Variants in ZNF132 observed in about 807,000 individuals in gnomAD.
ZNF132 encodes zinc finger protein 132.
ZNF132 carries 6 observed loss-of-function variants against 9.3 expected under a neutral mutation model. The ratio of observed to expected loss-of-function variants is 0.65; its 90% CI spans 0.35 to 1.28. The LOEUF (loss-of-function observed/expected upper bound fraction) is 1.28, where lower values mean the gene tolerates loss of function less well. Ranked by LOEUF, ZNF132 falls within the 50% of genes most tolerant of loss-of-function variation. ZNF132 has a pLI of 0.03. For synonymous variants in ZNF132, 296 were observed against 292.0 expected, an observed-to-expected ratio of 1.01 and a Z score of -0.14; for missense variants, 877 against 843.2, an observed-to-expected ratio of 1.04 and a Z score of -0.50.
Position 58,435,023 on chromosome 19 carries a change from G to T in ZNF132, c.421C>A (p.Pro141Thr). Residue 141 changes from proline (P) to threonine (T), a missense_variant, in exon 3 of 3, where the codon CCC becomes ACC. Coordinates refer to ENST00000254166, the MANE Select transcript of ZNF132 (RefSeq NM_003433.4). ...EHQGTQSEEK[P>T]YTCGACGRDF... ...CTCCCACATGCTCCACATGTGTAGG[G>T]TTTCTCCTCAGACTGTGTTCCCTGA... 1 of 1,614,110 alleles carries T rather than the reference G, an allele frequency of 6.2e-7. No individual in the cohort carries two copies. The highest frequency in any genetic ancestry group is 1.3e-5 in the African/African-American group (1 of 75,018).
At position 58,434,389 on chromosome 19, in the gene ZNF132, C is replaced by A; in HGVS notation, c.1055G>T (p.Cys352Phe). ...TGATCTGTTACTGAAGGCTTTCCCA[C>A]ATTCATCACACTCATAAGGTCTTTC... ...SGERPYECDE[C>F]GKAFSNRSHL... is the part of the protein sequence containing the mutation. Residue 352 changes from cysteine to phenylalanine, a missense_variant, in exon 3 of 3, where the codon TGT becomes TTT. Coordinates refer to ENST00000254166, the MANE Select transcript of ZNF132 (RefSeq NM_003433.4). 1 of 1,614,266 alleles carries A rather than the reference C, an allele frequency of 6.2e-7. No homozygotes were observed. Among genetic ancestry groups the A allele is most frequent in the Non-Finnish European group, 8.5e-7 (1 of 1,180,050 alleles).
At chr19:58,435,261 G>T (rs140091646) in intron 2 of ZNF132, 50 bp from the exon 3 acceptor site, 2 of 1,560,682 alleles carry the variant, frequency 1.3e-6, no homozygotes, top group African/African-American at 1.4e-5. Flanking sequence ...TGGTGGGAAT[G>T]GTTGACTTCA....
Position 58,433,498 on chromosome 19 carries a change from T to C in ZNF132, c.1946A>G (p.His649Arg). ...NSHLVRHQRVHTQERPYECIQ... is the reference protein window; with the variant it reads ...NSHLVRHQRVRTQERPYECIQ... ...GCACTCATAGGGCCTTTCTTGTGTG[T>C]GAACTCTCTGATGACGAACCAGGTG... Residue 649 changes from histidine (H) to arginine (R), a missense_variant, in exon 3 of 3, where the codon CAC becomes CGC. His to Arg is a conservative substitution (Grantham distance 29, BLOSUM62 0). Coordinates refer to ENST00000254166, the MANE Select transcript of ZNF132 (RefSeq NM_003433.4). The C allele has an allele frequency of 6.2e-7, 1 of 1,614,196 alleles. No individual in the cohort carries two copies. Among genetic ancestry groups the C allele is most frequent in the Non-Finnish European group, 8.5e-7 (1 of 1,180,016 alleles).
intron 1 of ZNF132, among the ~76,000 whole-genome samples, chr19:58,439,358 C>T (rs1308612328): frequency 6.6e-6 from 1 of 152,190 alleles, no homozygotes; most frequent in Non-Finnish European, 1.5e-5. Context: ...TCCATGGCTC[C>T]CACCACCATC....
At position 58,435,064 on chromosome 19, in the gene ZNF132, A is replaced by G. The variant is rs2052765677; in HGVS notation, c.380T>C (p.Leu127Ser). Residue 127 changes from leucine (L) to serine (S), a missense_variant, in exon 3 of 3, where the codon TTG (leucine) becomes TCG (serine). Leu to Ser is a moderately radical substitution (Grantham distance 145, BLOSUM62 -2). Coordinates refer to ENST00000254166, the MANE Select transcript of ZNF132 (RefSeq NM_003433.4). ...DMCGPFLKDI[L>S]HLAEHQGTQS... Reference sequence around the variant, plus strand: ...TGTTCCCTGATGCTCAGCCAGGTGCAAAATGTCTTTCAAGAATGGCCCACA... The same window carrying G: ...TGTTCCCTGATGCTCAGCCAGGTGCGAAATGTCTTTCAAGAATGGCCCACA... The G allele has an allele frequency of 2.5e-6, 4 of 1,614,058 alleles. No individual in the cohort carries two copies. The highest frequency in any genetic ancestry group is 3.4e-6 in the Non-Finnish European group (4 of 1,180,044).
chr19:58,434,115 G>T lies in ZNF132; in HGVS notation c.1329C>A (p.Asn443Lys). The change falls in exon 3 of 3, where the codon AAC becomes AAA. Residue 443 changes from asparagine (N) to lysine (K), a missense_variant. Coordinates refer to ENST00000254166, the MANE Select transcript of ZNF132 (RefSeq NM_003433.4). ...CTTTCTGGTGCTGAGCAAGGTTGGA[G>T]TTATTGTTAAAAGCTCTTCCACATT... ...CSECGRAFNN[N>K]SNLAQHQKVH... The T allele has an allele frequency of 6.2e-7, 1 of 1,613,764 alleles. No homozygotes were observed. The highest frequency in any genetic ancestry group is 8.5e-7 in the Non-Finnish European group (1 of 1,179,954).
chr19:58,434,039 T>C lies in ZNF132; in HGVS notation c.1405A>G (p.Ser469Gly), dbSNP rs748302718. ...FECSECGRDF[S>G]QSSHLLRHQK... ...TGTCGAAGGAGATGGGAGCTTTGGC[T>C]GAAGTCTCTTCCACATTCACTGCAC... The change falls in exon 3 of 3, where the codon AGC becomes GGC. Residue 469 changes from serine (S) to glycine (G), a missense_variant. Physicochemically the swap from Ser to Gly is moderately conservative, Grantham distance 56. Transcript: ENST00000254166. 2.5e-6 allele frequency: 4 copies of C among 1,614,204 alleles called. No individual in the cohort carries two copies. The highest frequency in any genetic ancestry group is 2.2e-5 in the East Asian group (1 of 44,888).
At chr19:58,438,971 G>T (rs151122885) in intron 1 of ZNF132, among the ~76,000 whole-genome samples, 2 of 151,266 alleles carry the variant, frequency 1.3e-5, no homozygotes, top group Admixed American at 6.6e-5. Flanking sequence ...GTGGGGTTTC[G>T]CCACGTTGGC....
chr19:58,433,136 T>C lies in ZNF132; in HGVS notation c.*187A>G. ...CAAGATGGAAAGTGACTATGGCTTC[T>C]GCCTTATGCTGCATGGGTGAGATGG... On this transcript the variant is annotated 3_prime_UTR_variant, in exon 3 of 3. Coordinates refer to ENST00000254166, the MANE Select transcript of ZNF132 (RefSeq NM_003433.4). The C allele has an allele frequency of 1.6e-6, 1 of 642,812 alleles. No homozygotes were observed. Among genetic ancestry groups the C allele is most frequent in the East Asian group, 2.7e-5 (1 of 36,384 alleles). The allele number at this position is 642,812 out of a possible 1,614,324, so 39.8% of individuals were successfully genotyped here.
Position 58,433,605 on chromosome 19 carries a change from G to A in ZNF132, c.1839C>T (p.Ser613=). The A allele has an allele frequency of 2.5e-6, 4 of 1,613,902 alleles. No individual in the cohort carries two copies. Among genetic ancestry groups the A allele is most frequent in the Non-Finnish European group, 3.4e-6 (4 of 1,179,956 alleles). The change falls in exon 3 of 3, where the codon AGC becomes AGT. Residue 613 remains serine, a synonymous_variant. Coordinates refer to ENST00000254166, the MANE Select transcript of ZNF132 (RefSeq NM_003433.4). ...TGTGAACTCTCCAGTGACAAATAAG[G>A]CTGGATTTTCGGCTAAAGAATTTCC... ...ECGKFFSRKS[S]LICHWRVHTG...
chr19:58,439,992 C>T lies in ZNF132; in HGVS notation c.-171G>A. 1 of 652,328 alleles carries T rather than the reference C, an allele frequency of 1.5e-6. No individual in the cohort carries two copies. Among genetic ancestry groups the T allele is most frequent in the Non-Finnish European group, 2.6e-6 (1 of 386,434 alleles). The allele number at this position is 652,328 out of a possible 1,614,324, so 40.4% of individuals were successfully genotyped here. ...CCCTGGAGACGCGTGGCGCTGGCTC[C>T]ACTTTCGGGAACACCTTGGCTCATA... On this transcript the variant is annotated 5_prime_UTR_variant, in exon 1 of 3. Coordinates refer to ENST00000254166, the MANE Select transcript of ZNF132 (RefSeq NM_003433.4).
Position 58,435,165 on chromosome 19 carries a change from A to T in ZNF132, c.279T>A (p.Asn93Lys). ...TGACCTGTAACACTTCTACAGAAAC[A>T]TTCTGCTTGGGATGGGCCCCCTCAC... ...VEGEGAHPKQ[N>K]VSVEVLQVRI... Residue 93 changes from asparagine (N) to lysine (K), a missense_variant, in exon 3 of 3, where the codon AAT becomes AAA. Transcript: ENST00000254166. 6.2e-7 allele frequency: 1 copy of T among 1,614,138 alleles called. No individual in the cohort carries two copies. Among genetic ancestry groups the T allele is most frequent in the South Asian group, 1.1e-5 (1 of 91,086 alleles).
intron 1 of ZNF132, among the ~76,000 whole-genome samples, chr19:58,438,975 C>T (rs536246661): frequency 5.9e-5 from 9 of 151,994 alleles, no homozygotes; most frequent in Admixed American, 4.6e-4. Flanking sequence ...GGTTTCGCCA[C>T]GTTGGCCAGG....
At chr19:58,439,162 C>T (rs2052788558) in intron 1 of ZNF132, among the ~76,000 whole-genome samples, 1 of 152,216 alleles carries the variant, frequency 6.6e-6, no homozygotes, top group African/African-American at 2.4e-5. Flanking sequence ...AGCCAACCAT[C>T]TGTCCTACCT....
rs1168074595 is a variant in ZNF132, at chr19:58,433,992, T to C, written c.1452A>G (p.Glu484=). ...CACAATCACAGCATTCAAAAGGCCG[T>C]TCTCCAGTGTGAACTTTCTGATGTC... ...LLRHQKVHTG[E]RPFECCDCGK... The change falls in exon 3 of 3, where the codon GAA becomes GAG. Residue 484 remains glutamate (E), a synonymous_variant. Transcript: ENST00000254166. 5 of 1,614,244 alleles carry C rather than the reference T, an allele frequency of 3.1e-6. No individual in the cohort carries two copies. In the South Asian group the frequency reaches 4.4e-5, roughly 14 times the overall value.
chr19:58,434,936 A>C lies in ZNF132; in HGVS notation c.508T>G (p.Phe170Val). The part of the protein sequence containing the change: ...HQKEHSGGKP[F>V]RWYKDRDALM... ...GCGTCCCTGTCCTTGTACCATCTAA[A>C]GGGCTTCCCTCCACTGTGCTCCTTC... The change falls in exon 3 of 3, where the codon TTT becomes GTT. Residue 170 changes from phenylalanine to valine, a missense_variant. Coordinates refer to ENST00000254166, the MANE Select transcript of ZNF132 (RefSeq NM_003433.4). 6.2e-7 allele frequency: 1 copy of C among 1,614,164 alleles called. No homozygotes were observed. The highest frequency in any genetic ancestry group is 1.1e-5 in the South Asian group (1 of 91,080).
chr19:58,437,305 C>T (rs1413369231), intron 1 of ZNF132, 90 bp from the exon 2 acceptor site: 1 of 1,405,668 alleles, frequency 7.1e-7, no homozygotes, highest in South Asian at 1.4e-5. Flanking sequence ...ACTAATATCT[C>T]TTTTTCTTAT....
At chr19:58,436,435 G>C (rs2052773000) in intron 2 of ZNF132, 1 of 156,872 alleles carries the variant, frequency 6.4e-6, no homozygotes, top group Admixed American at 6.2e-5. Context: ...GGGAGGCTGA[G>C]GTGGGTGGAT....
chr19:58,438,050 C>T (rs552254960), intron 1 of ZNF132, among the ~76,000 whole-genome samples: 138 of 152,264 alleles, frequency 9.1e-4, no homozygotes, highest in African/African-American at 3.2e-3. Context: ...ACCAGCCTGA[C>T]AAAAACCCCA....
Sources: allele counts gnomAD v4.1 joint callset (sites outside exome capture counted in the v4.1 genomes callset), GRCh38; gene constraint gnomAD v4.1.1; transcripts MANE v1.5; gene names NCBI Gene and HGNC (gene_info 2026-07-23, HGNC 2026-07-21).